The following RORA variants were observed in gnomAD, a reference collection of about 807,000 sequenced individuals.
The protein encoded by RORA is RAR related orphan receptor A.
RORA carries 7 observed loss-of-function variants against 69.5 expected under a neutral mutation model. The observed-to-expected ratio is 0.10, with a 90% confidence interval of 0.06 to 0.19. RORA has a LOEUF of 0.19. Ranked by LOEUF, RORA falls within the 10% of genes least tolerant of loss-of-function variation. The pLI is 1.00. For synonymous variants in RORA, 261 were observed against 240.8 expected, an observed-to-expected ratio of 1.08 and a Z score of -0.78; for missense variants, 457 against 663.0, an observed-to-expected ratio of 0.69 and a Z score of 3.41.
chr15:61,103,369 C>T (rs1383551742), intron 1 of RORA, among the ~76,000 whole-genome samples: 2 of 152,234 alleles, frequency 1.3e-5, no homozygotes, highest in Non-Finnish European at 2.9e-5. Flanking sequence ...GACCTCATTG[C>T]TCCTACTACT....
intron 1 of RORA, chr15:61,038,723 G>A (rs1403049540): frequency 6.6e-6 from 1 of 152,216 alleles, no homozygotes; most frequent in Non-Finnish European, 1.5e-5. Context: ...AAGATTCTAG[G>A]CAGCAATTTC....
intron 1 of RORA, among the ~76,000 whole-genome samples, chr15:60,999,940 T>G (rs7167514): frequency 0.26 from 40,199 of 151,992 alleles, 5,594 homozygotes; most frequent in African/African-American, 0.33. Flanking sequence ...GACAAGAAAT[T>G]AATCTGCCCC....
chr15:60,954,031 T>C (rs1409028843), intron 1 of RORA, among the ~76,000 whole-genome samples: 2 of 151,280 alleles, frequency 1.3e-5, no homozygotes, highest in African/African-American at 2.4e-5. Context: ...AGCAAAGACT[T>C]GGAACCAACC....
intron 1 of RORA, among the ~76,000 whole-genome samples, chr15:60,767,139 G>A (rs1274467089): frequency 6.6e-6 from 1 of 152,158 alleles, no homozygotes; most frequent in African/African-American, 2.4e-5. Flanking sequence ...TGGAAGGTGT[G>A]ATTAAATAGG....
chr15:61,120,470 C>A (rs1005493413), intron 1 of RORA, among the ~76,000 whole-genome samples: 1 of 151,944 alleles, frequency 6.6e-6, no homozygotes, highest in Non-Finnish European at 1.5e-5. Flanking sequence ...GAGGCCGAGG[C>A]GGGCGGATCA....
chr15:60,659,268 G>C (rs1029343529), intron 2 of RORA, among the ~76,000 whole-genome samples: 1 of 152,126 alleles, frequency 6.6e-6, no homozygotes, highest in African/African-American at 2.4e-5. Context: ...AGTGGAAAAG[G>C]GTACTGATTT....
intron 1 of RORA, among the ~76,000 whole-genome samples, chr15:60,757,795 C>G (rs185365031): frequency 3.3e-4 from 51 of 152,270 alleles, no homozygotes; most frequent in African/African-American, 1.2e-3. Context: ...CTCTCCCGAC[C>G]CCCAAATGCT....
At chr15:60,867,655 T>C (rs554239131) in intron 1 of RORA, among the ~76,000 whole-genome samples, 1 of 152,270 alleles carries the variant, frequency 6.6e-6, no homozygotes, top group Non-Finnish European at 1.5e-5. Flanking sequence ...AGTGTATCAA[T>C]GTGCTAAATA....
chr15:61,176,878 ACATAAATGTT>A (rs1249984769), intron 1 of RORA, among the ~76,000 whole-genome samples: 1 of 152,200 alleles, frequency 6.6e-6, no homozygotes, highest in African/African-American at 2.4e-5. Flanking sequence ...GCAGGTTTTA[ACATAAATGTT>A]CATGCTTTAT....
intron 1 of RORA, among the ~76,000 whole-genome samples, chr15:60,962,324 C>A (rs1164135144): frequency 2.0e-5 from 3 of 152,182 alleles, no homozygotes; most frequent in Admixed American, 1.3e-4. Context: ...TCCCCACTTT[C>A]TAACTGCTAG....
chr15:60,961,476 T>C (rs1893412401), intron 1 of RORA, among the ~76,000 whole-genome samples: 1 of 152,238 alleles, frequency 6.6e-6, no homozygotes, highest in Non-Finnish European at 1.5e-5. Context: ...CACCCATTGA[T>C]ATACGTGACA....
chr15:60,530,039 G>C (rs866872726), intron 3 of RORA: 5 of 152,318 alleles, frequency 3.3e-5, no homozygotes, highest in African/African-American at 1.2e-4. Flanking sequence ...AAAAGCACTG[G>C]AACTCCCAGC....
chr15:61,118,513 A>G (rs1322334575), intron 1 of RORA, among the ~76,000 whole-genome samples: 2 of 152,190 alleles, frequency 1.3e-5, no homozygotes, highest in Non-Finnish European at 2.9e-5. Context: ...TCTTATTTGT[A>G]TGTATAGAGG....
intron 1 of RORA, among the ~76,000 whole-genome samples, chr15:60,947,255 G>C (rs1326321360): frequency 6.6e-6 from 1 of 152,334 alleles, no homozygotes; most frequent in South Asian, 2.1e-4. Flanking sequence ...ATAGAAAAGG[G>C]GGAAATGTGG....
chr15:60,502,887 G>T lies in RORA; in HGVS notation c.1076-20C>A. On this transcript the variant is annotated intron_variant, in intron 7 of 10. Transcript: ENST00000335670. ...GAGAACCTAAGCAGAGGCAGAAATGGTTTGGGTCATTTGGGTCATCTGATG... is the reference window on the plus strand; with the variant it reads ...GAGAACCTAAGCAGAGGCAGAAATGTTTTGGGTCATTTGGGTCATCTGATG... The T allele has an allele frequency of 6.5e-7, 1 of 1,542,030 alleles. No individual in the cohort carries two copies. The highest frequency in any genetic ancestry group is 9.0e-7 in the Non-Finnish European group (1 of 1,114,282).
At chr15:60,660,487 C>CT (rs1442675849) in intron 2 of RORA, among the ~76,000 whole-genome samples, 2 of 152,160 alleles carry the variant, frequency 1.3e-5, no homozygotes, top group African/African-American at 2.4e-5. Context: ...GTGGAGCAGC[C>CT]TAACAGCACA....
At chr15:61,218,276 C>T (rs1015650570) in intron 1 of RORA, among the ~76,000 whole-genome samples, 7 of 151,634 alleles carry the variant, frequency 4.6e-5, no homozygotes, top group African/African-American at 1.7e-4. Flanking sequence ...TCAAAGATAT[C>T]GCCCTGAGAG....
chr15:61,112,396 C>T (rs752768694), intron 1 of RORA, among the ~76,000 whole-genome samples: 13 of 152,032 alleles, frequency 8.6e-5, no homozygotes, highest in Non-Finnish European at 1.2e-4. Flanking sequence ...AGAGTGTGCG[C>T]GTTTCCAGCC....
intron 2 of RORA, among the ~76,000 whole-genome samples, chr15:60,597,956 C>T (rs2068733763): frequency 6.6e-6 from 1 of 151,936 alleles, no homozygotes; most frequent in African/African-American, 2.4e-5. Flanking sequence ...GCTTGAACTC[C>T]ATGGTATGGT....
Sources: allele counts gnomAD v4.1 joint callset (sites outside exome capture counted in the v4.1 genomes callset), GRCh38; gene constraint gnomAD v4.1.1; transcripts MANE v1.5; gene names NCBI Gene and HGNC (gene_info 2026-07-23, HGNC 2026-07-21).